PAH: variants seen among roughly 807,000 people sequenced by gnomAD.
PAH encodes phenylalanine-4-hydroxylase.
In PAH, 64 loss-of-function variants were observed where a neutral mutation model predicts 62.0. That is an observed-to-expected ratio of 1.03 (90% CI 0.84 to 1.27). The LOEUF (loss-of-function observed/expected upper bound fraction) is 1.27. Among genes scored for constraint, PAH ranks in the 50% most tolerant of loss-of-function variants. The probability of loss-of-function intolerance (pLI) is 0.00; values close to 1 mark genes in which losing one functional copy is unlikely to be tolerated. For synonymous variants in PAH, 195 were observed against 196.2 expected, an observed-to-expected ratio of 0.99 and a Z score of 0.05; for missense variants, 579 against 542.8, an observed-to-expected ratio of 1.07 and a Z score of -0.66.
At chr12:102,910,393 G>T (rs34437790) in intron 2 of PAH, among the ~76,000 whole-genome samples, 57,401 of 147,726 alleles carry the variant, frequency 0.39, 12,605 homozygotes, top group African/African-American at 0.59. Context: ...TTTTTGGGGA[G>T]GGAGTCTTGC....
chr12:102,859,518 C>T (rs538953934), intron 5 of PAH, among the ~76,000 whole-genome samples: 1 of 151,872 alleles, frequency 6.6e-6, no homozygotes, highest in African/African-American at 2.4e-5. Flanking sequence ...AGAGACACAA[C>T]AAAAAAGAGA....
intron 9 of PAH, among the ~76,000 whole-genome samples, chr12:102,846,353 G>A (rs1874842085): frequency 6.6e-6 from 1 of 152,124 alleles, no homozygotes; most frequent in South Asian, 2.1e-4. Flanking sequence ...TGGCTGGGGT[G>A]GGATGTACTA....
At chr12:102,954,945 G>A (rs910641502), upstream of PAH, among the ~76,000 whole-genome samples, 7 of 152,296 alleles carry the variant, frequency 4.6e-5, no homozygotes, top group South Asian at 2.1e-4. Flanking sequence ...AGAACGCCTC[G>A]GTTCTTGGAA....
chr12:102,847,812 T>A (rs1874923949), intron 8 of PAH, among the ~76,000 whole-genome samples: 1 of 152,122 alleles, frequency 6.6e-6, no homozygotes, highest in Non-Finnish European at 1.5e-5. Context: ...GAAGTGGAGT[T>A]GTTGGTTATA....
chr12:102,885,408 G>A (rs951500132), intron 3 of PAH, among the ~76,000 whole-genome samples: 1 of 152,152 alleles, frequency 6.6e-6, no homozygotes, highest in Non-Finnish European at 1.5e-5. Flanking sequence ...CCGGTGGGCT[G>A]GCCTCTGTGA....
intron 1 of PAH, among the ~76,000 whole-genome samples, chr12:102,913,326 T>C (rs1417288711): frequency 6.6e-6 from 1 of 152,194 alleles, no homozygotes; most frequent in Admixed American, 6.5e-5. Flanking sequence ...TGATATAATA[T>C]GATTTATAAA....
intron 3 of PAH, among the ~76,000 whole-genome samples, chr12:102,888,627 C>G (rs1438352380): frequency 6.6e-6 from 1 of 151,106 alleles, no homozygotes; most frequent in African/African-American, 2.4e-5. Context: ...AGGGAGCAGA[C>G]AGTCTACCAA....
At chr12:102,958,377 G>C (rs1490071321), upstream of PAH, 1 of 1,448,614 alleles carries the variant, frequency 6.9e-7, no homozygotes, top group Non-Finnish European at 9.0e-7. Flanking sequence ...AGCCGCCGCA[G>C]CGGCAGCGCA....
upstream of PAH, among the ~76,000 whole-genome samples, chr12:102,918,332 T>C (rs1878462452): frequency 6.6e-6 from 1 of 152,142 alleles, no homozygotes; most frequent in Non-Finnish European, 1.5e-5. Context: ...AAGCCTTGAG[T>C]GCCTGCTTAA....
intron 1 of PAH, among the ~76,000 whole-genome samples, chr12:102,939,375 T>G (rs73395423): frequency 0.032 from 4,813 of 152,262 alleles, 265 homozygotes; most frequent in African/African-American, 0.11. Context: ...TACACACCTT[T>G]TTCTTCACCA....
At chr12:102,943,310 A>G (rs1025807012) in intron 1 of PAH, among the ~76,000 whole-genome samples, 3 of 152,210 alleles carry the variant, frequency 2.0e-5, no homozygotes. Flanking sequence ...CAACAAGCAT[A>G]TGAAAAAATG....
chr12:102,861,371 A>G (rs549937871), intron 5 of PAH, among the ~76,000 whole-genome samples: 6 of 152,360 alleles, frequency 3.9e-5, no homozygotes, highest in Non-Finnish European at 5.9e-5. Context: ...GAACACTTTT[A>G]TACTGTTGGT....
At chr12:102,945,042 T>G (rs1264162085) in intron 1 of PAH, 1 of 152,256 alleles carries the variant, frequency 6.6e-6, no homozygotes, top group East Asian at 1.9e-4. Flanking sequence ...CTTGGTGGTG[T>G]TGGATAAGGT....
intron 1 of PAH, among the ~76,000 whole-genome samples, chr12:102,922,808 A>G (rs1878590142): frequency 6.6e-6 from 1 of 152,216 alleles, no homozygotes; most frequent in African/African-American, 2.4e-5. Context: ...ATTTTAGTAC[A>G]TACTGACAAA....
At position 102,871,930 on chromosome 12, in the gene PAH, AAAAAAAAAAAAAAAAAAAAATATAT is replaced by A. The variant is rs1208675741; in HGVS notation, c.442-5292_442-5268del. Among the ~76,000 whole-genome samples, 4 of 114,068 alleles carry A rather than the reference AAAAAAAAAAAAAAAAAAAAATATAT, an allele frequency of 3.5e-5. No individual in the cohort carries two copies. In the East Asian group the frequency reaches 9.1e-4, roughly 26 times the overall value. 74.8% of individuals were successfully genotyped at this position (114,068 alleles called of 152,430 possible). On this transcript the variant is annotated intron_variant, in intron 4 of 12. Transcript: ENST00000553106. ...AGAGCAAAACTCTGCCTCAAAAAAAAAAAAAAAAAAAAAAAAAAAATATATATATATATATATATATATATATATA... is the reference window on the plus strand; with the variant it reads ...AGAGCAAAACTCTGCCTCAAAAAAAAATATATATATATATATATATATATA...
At chr12:102,951,666 G>A (rs546043361), upstream of PAH, among the ~76,000 whole-genome samples, 1 of 152,252 alleles carries the variant, frequency 6.6e-6, no homozygotes, top group South Asian at 2.1e-4. Flanking sequence ...CCACAAAGTG[G>A]GGGTGGGAGA....
chr12:102,879,465 C>T (rs1383791709), intron 3 of PAH, among the ~76,000 whole-genome samples: 1 of 151,746 alleles, frequency 6.6e-6, no homozygotes, highest in Non-Finnish European at 1.5e-5. Flanking sequence ...TGCATTCCAG[C>T]AAAACAAGGA....
chr12:102,918,638 C>G (rs1323505357), upstream of PAH, among the ~76,000 whole-genome samples: 1 of 150,484 alleles, frequency 6.6e-6, no homozygotes, highest in Non-Finnish European at 1.5e-5. Context: ...ATTCCTTAAG[C>G]CTTTATGATG....
At chr12:102,912,696 T>C (rs1160815620) in intron 2 of PAH, 95 bp downstream of exon 2, 2 of 909,320 alleles carry the variant, frequency 2.2e-6, no homozygotes, top group South Asian at 2.7e-5. Flanking sequence ...ATCTGCCTGT[T>C]CCAGATCCTG....
Sources: allele counts gnomAD v4.1 joint callset (sites outside exome capture counted in the v4.1 genomes callset), GRCh38; gene constraint gnomAD v4.1.1; transcripts MANE v1.5; gene names NCBI Gene and HGNC (gene_info 2026-07-23, HGNC 2026-07-21).